Variants in UXS1 observed in about 807,000 individuals in gnomAD.
UXS1 encodes the protein UDP-glucuronate decarboxylase 1.
A neutral mutation model predicts 62.6 loss-of-function variants in UXS1; 33 were observed. That is an observed-to-expected ratio of 0.53 (90% CI 0.40 to 0.70). The LOEUF is 0.70. Ranked by LOEUF, UXS1 falls within the 30% of genes least tolerant of loss-of-function variation. The pLI, the probability that UXS1 is intolerant of heterozygous loss-of-function variation, is 0.00. For synonymous variants in UXS1, 213 were observed against 206.8 expected, an observed-to-expected ratio of 1.03 and a Z score of -0.26; for missense variants, 434 against 556.3, an observed-to-expected ratio of 0.78 and a Z score of 2.21.
In UXS1 at chr2:106,129,781, A is replaced by G; in HGVS notation, c.473-3T>C. On this transcript the variant is annotated splice_polypyrimidine_tract_variant and splice_region_variant and intron_variant, in intron 6 of 14. Transcript: ENST00000283148. ...TGCCAGATGGTATATCTGGTCAACT[A>G]AAGGAGACAAAACAGAAGCCTATTA... 2 of 1,590,578 alleles carry G rather than the reference A, an allele frequency of 1.3e-6. No homozygotes were observed. Among genetic ancestry groups the G allele is most frequent in the Non-Finnish European group, 1.7e-6 (2 of 1,165,938 alleles).
At chr2:106,185,826 C>G (rs933678717) in intron 1 of UXS1, among the ~76,000 whole-genome samples, 3 of 152,164 alleles carry the variant, frequency 2.0e-5, no homozygotes, top group African/African-American at 7.2e-5. Flanking sequence ...GCCATGTCAC[C>G]GCAGAGGCTG....
intron 1 of UXS1, among the ~76,000 whole-genome samples, chr2:106,177,834 A>G (rs1683988784): frequency 6.6e-6 from 1 of 152,134 alleles, no homozygotes; most frequent in Admixed American, 6.5e-5. Context: ...CTGGGGTAGG[A>G]CAGCTCCCAA....
chr2:106,129,732 G>T lies in UXS1; in HGVS notation c.519C>A (p.Tyr173Ter). The change falls in exon 7 of 15, where the codon TAC becomes TAA. Residue 173 changes from tyrosine (Y) to a stop codon, truncating the protein, a stop_gained. Transcript: ENST00000283148. LOFTEE classifies it high-confidence loss of function. ...TTAATGTCTTGATAGGATTATACAT[G>T]TAGTTTGGAGGGGAGGCTGGAGATG... The part of the protein sequence containing the change: ...HLASPASPPN[Y>*]MYNPIKTLKT... The T allele has an allele frequency of 6.2e-7, 1 of 1,612,216 alleles. No individual in the cohort carries two copies. Among genetic ancestry groups the T allele is most frequent in the Non-Finnish European group, 8.5e-7 (1 of 1,179,046 alleles).
chr2:106,191,352 G>A (rs1355315833), intron 1 of UXS1, among the ~76,000 whole-genome samples: 2 of 152,122 alleles, frequency 1.3e-5, no homozygotes, highest in Non-Finnish European at 2.9e-5. Flanking sequence ...TAACAGGGAG[G>A]GCAAGATTAC....
intron 6 of UXS1, among the ~76,000 whole-genome samples, chr2:106,144,296 A>C (rs901772234): frequency 3.3e-5 from 5 of 152,204 alleles, no homozygotes; most frequent in Non-Finnish European, 5.9e-5. Context: ...CAAAAAACCA[A>C]CCAACAAAAT....
intron 6 of UXS1, among the ~76,000 whole-genome samples, chr2:106,130,766 T>C (rs1680380163): frequency 6.6e-6 from 1 of 152,130 alleles, no homozygotes; most frequent in Non-Finnish European, 1.5e-5. Flanking sequence ...TCTCAATCAA[T>C]CCTGACTGTG....
At chr2:106,160,812 A>G (rs1276090668) in intron 4 of UXS1, among the ~76,000 whole-genome samples, 2 of 152,226 alleles carry the variant, frequency 1.3e-5, no homozygotes, top group Non-Finnish European at 1.5e-5. Flanking sequence ...AGCGTGCTGA[A>G]ACCTTTAATT....
intron 1 of UXS1, chr2:106,166,369 G>C (rs1162942208): frequency 7.2e-6 from 2 of 277,838 alleles, no homozygotes; most frequent in South Asian, 2.3e-4. Context: ...TGACAAGTGG[G>C]CTTTTAAAGG....
intron 8 of UXS1, among the ~76,000 whole-genome samples, chr2:106,124,164 T>C (rs1350608034): frequency 3.3e-5 from 5 of 152,232 alleles, no homozygotes; most frequent in African/African-American, 9.6e-5. Flanking sequence ...AAAGGAACCA[T>C]TGACTTAAAT....
intron 1 of UXS1, among the ~76,000 whole-genome samples, chr2:106,170,316 C>T (rs1683473908): frequency 6.6e-6 from 1 of 152,180 alleles, no homozygotes; most frequent in Non-Finnish European, 1.5e-5. Flanking sequence ...TTCCCTCCTG[C>T]TCCAGGAGAC....
intron 4 of UXS1, among the ~76,000 whole-genome samples, chr2:106,163,221 G>T (rs1370876828): frequency 2.0e-5 from 3 of 152,150 alleles, no homozygotes; most frequent in Non-Finnish European, 2.9e-5. Flanking sequence ...ACTTCACCTG[G>T]ACTAAATTCT....
intron 11 of UXS1, among the ~76,000 whole-genome samples, chr2:106,104,405 C>A: frequency 6.6e-6 from 1 of 152,242 alleles, no homozygotes; most frequent in South Asian, 2.1e-4. Context: ...TCCACAAGGA[C>A]TATCTCCTCC....
intron 4 of UXS1, among the ~76,000 whole-genome samples, chr2:106,162,192 G>A (rs1032064721): frequency 3.3e-5 from 5 of 152,178 alleles, no homozygotes; most frequent in Admixed American, 6.5e-5. Context: ...CAAGCAGCCC[G>A]AGAGGCAAAT....
chr2:106,116,958 C>T (rs750004786), intron 9 of UXS1, among the ~76,000 whole-genome samples: 1 of 152,162 alleles, frequency 6.6e-6, no homozygotes, highest in Non-Finnish European at 1.5e-5. Context: ...GTGGAGAGTA[C>T]AACAGGTCCC....
At chr2:106,160,066 G>A (rs1682770203) in intron 4 of UXS1, 1 of 152,276 alleles carries the variant, frequency 6.6e-6, no homozygotes, top group Non-Finnish European at 1.5e-5. Context: ...TGCAGCTGGG[G>A]AGCAGGAGCA....
chr2:106,108,681 C>T (rs527289967), intron 10 of UXS1, among the ~76,000 whole-genome samples: 2 of 152,212 alleles, frequency 1.3e-5, no homozygotes, highest in South Asian at 2.1e-4. Flanking sequence ...GGGCTGTGTG[C>T]AGGTCAAAGC....
At chr2:106,180,248 G>A (rs1209373681) in intron 1 of UXS1, among the ~76,000 whole-genome samples, 3 of 152,204 alleles carry the variant, frequency 2.0e-5, no homozygotes, top group African/African-American at 4.8e-5. Flanking sequence ...AGTAACCCAC[G>A]GGAAGGTGAA....
chr2:106,181,433 G>GGCAA (rs1360124664), intron 1 of UXS1, among the ~76,000 whole-genome samples: 1 of 152,142 alleles, frequency 6.6e-6, no homozygotes, highest in Non-Finnish European at 1.5e-5. Flanking sequence ...AGAAAGCTGG[G>GGCAA]GCAAGCGGGG....
chr2:106,141,152 C>T (rs922413740), intron 6 of UXS1, among the ~76,000 whole-genome samples: 11 of 152,232 alleles, frequency 7.2e-5, no homozygotes, highest in South Asian at 2.1e-4. Context: ...AGGGAAAACC[C>T]GTGTCTTGGT....
Sources: allele counts gnomAD v4.1 joint callset (sites outside exome capture counted in the v4.1 genomes callset), GRCh38; gene constraint gnomAD v4.1.1; transcripts MANE v1.5; gene names NCBI Gene and HGNC (gene_info 2026-07-23, HGNC 2026-07-21).